PPP1R1C: variants seen among roughly 807,000 people sequenced by gnomAD.
PPP1R1C encodes the protein protein phosphatase 1 regulatory subunit 1C.
Under a neutral mutation model 17.4 loss-of-function variants are expected in PPP1R1C, and 15 were observed. The observed-to-expected ratio is 0.86, with a 90% CI of 0.58 to 1.33. The LOEUF (loss-of-function observed/expected upper bound fraction) is 1.33. Among genes scored for constraint, PPP1R1C ranks in the 40% most tolerant of loss-of-function variants. PPP1R1C has a pLI of 0.00. For synonymous variants in PPP1R1C, 35 were observed against 43.1 expected (o/e 0.81, Z 0.73); for missense variants, 143 against 130.0 (o/e 1.10, Z -0.48).
At chr2:181,978,577 T>C (rs1685139173) in intron 2 of PPP1R1C, among the ~76,000 whole-genome samples, 1 of 152,174 alleles carries the variant, frequency 6.6e-6, no homozygotes, top group Admixed American at 6.5e-5. Context: ...TCCATGTGGC[T>C]TTGCCTTCTT....
chr2:182,029,393 T>C (rs937621948), intron 2 of PPP1R1C, among the ~76,000 whole-genome samples: 1 of 152,156 alleles, frequency 6.6e-6, no homozygotes, highest in Non-Finnish European at 1.5e-5. Flanking sequence ...CAGGAGCTCT[T>C]TTAGGGCAGG....
chr2:182,028,409 G>T (rs1356578084), intron 2 of PPP1R1C, among the ~76,000 whole-genome samples: 3 of 151,368 alleles, frequency 2.0e-5, no homozygotes, highest in Admixed American at 6.6e-5. Flanking sequence ...CTGGTATGTT[G>T]TGTCTTTGTT....
chr2:182,094,380 A>G (rs752306644), intron 4 of PPP1R1C, among the ~76,000 whole-genome samples: 9 of 152,356 alleles, frequency 5.9e-5, no homozygotes, highest in South Asian at 2.1e-4. Flanking sequence ...GAGCCATACC[A>G]TATCAGAGAG....
At chr2:182,108,543 C>T (rs914247102) in intron 4 of PPP1R1C, among the ~76,000 whole-genome samples, 2 of 152,162 alleles carry the variant, frequency 1.3e-5, no homozygotes, top group African/African-American at 4.8e-5. Context: ...GCCCAGAATT[C>T]TCTTCTGAAT....
chr2:182,112,542 C>G (rs1025069159), intron 4 of PPP1R1C, among the ~76,000 whole-genome samples: 2 of 151,992 alleles, frequency 1.3e-5, no homozygotes, highest in Admixed American at 6.6e-5. Flanking sequence ...AGATTAGGTC[C>G]TCGGAACCCA....
chr2:182,023,906 G>A (rs1371701641), intron 2 of PPP1R1C: 3 of 151,930 alleles, frequency 2.0e-5, no homozygotes, highest in Admixed American at 1.3e-4. Context: ...AGAGTGCTGG[G>A]GTTACAGGTA....
At chr2:182,000,959 G>A (rs755399985) in intron 2 of PPP1R1C, among the ~76,000 whole-genome samples, 1 of 152,146 alleles carries the variant, frequency 6.6e-6, no homozygotes, top group Non-Finnish European at 1.5e-5. Flanking sequence ...TGAGGATGGA[G>A]CAACCCTCAC....
intron 2 of PPP1R1C, among the ~76,000 whole-genome samples, chr2:182,059,494 G>A (rs1275200168): frequency 6.6e-6 from 1 of 150,924 alleles, no homozygotes; most frequent in Non-Finnish European, 1.5e-5. Flanking sequence ...GGCCCTGAGG[G>A]AAAAAAAAGG....
At chr2:182,129,478 C>G (rs1032995262) in exon 6 of PPP1R1C, 4 of 152,054 alleles carry the variant, frequency 2.6e-5, no homozygotes, top group African/African-American at 9.7e-5. Context: ...CTACTACCTG[C>G]CAACTACTGA....
intron 2 of PPP1R1C, among the ~76,000 whole-genome samples, chr2:182,060,787 A>T (rs1219017062): frequency 6.6e-6 from 1 of 152,110 alleles, no homozygotes; most frequent in African/African-American, 2.4e-5. Flanking sequence ...CAGAGGCCAT[A>T]CAATGTAGGT....
chr2:181,971,446 G>A (rs1167950174), intron 1 of PPP1R1C, among the ~76,000 whole-genome samples: 2 of 152,162 alleles, frequency 1.3e-5, no homozygotes, highest in African/African-American at 2.4e-5. Flanking sequence ...CAAGTTGCAA[G>A]ACAAAGTCCT....
At chr2:182,018,843 C>T (rs1356018249) in intron 2 of PPP1R1C, among the ~76,000 whole-genome samples, 1 of 152,050 alleles carries the variant, frequency 6.6e-6, no homozygotes. Context: ...AATGAATCAA[C>T]TGATGACTTG....
At chr2:182,049,826 A>G (rs1253443743) in intron 2 of PPP1R1C, among the ~76,000 whole-genome samples, 1 of 152,122 alleles carries the variant, frequency 6.6e-6, no homozygotes, top group Non-Finnish European at 1.5e-5. Context: ...AGAGATTTCC[A>G]TATTATTTAT....
At chr2:182,124,314 G>GTTTTTTTTTTTGTT (rs1689812959) in intron 5 of PPP1R1C, among the ~76,000 whole-genome samples, 1 of 42,098 alleles carries the variant, frequency 2.4e-5, no homozygotes, top group African/African-American at 6.8e-5. Flanking sequence ...GTTTTTTTTT[G>GTTTTTTTTTTTGTT]TTTTTTTTTT....
chr2:182,122,417 C>T (rs1689755790), downstream of PPP1R1C, among the ~76,000 whole-genome samples: 1 of 151,998 alleles, frequency 6.6e-6, no homozygotes, highest in Non-Finnish European at 1.5e-5. Flanking sequence ...TGATTCCATA[C>T]CTATTATGCT....
intron 4 of PPP1R1C, among the ~76,000 whole-genome samples, chr2:182,091,786 T>C (rs1688789608): frequency 6.6e-6 from 1 of 152,120 alleles, no homozygotes. Context: ...ACCTATTTGT[T>C]CCAATTATTC....
At chr2:181,980,477 T>C (rs1370961342) in intron 2 of PPP1R1C, among the ~76,000 whole-genome samples, 1 of 152,226 alleles carries the variant, frequency 6.6e-6, no homozygotes, top group Admixed American at 6.5e-5. Context: ...CACACTGGGC[T>C]GTGATTGACT....
intron 2 of PPP1R1C, among the ~76,000 whole-genome samples, chr2:182,004,027 T>C (rs967646326): frequency 2.0e-5 from 3 of 152,198 alleles, no homozygotes; most frequent in African/African-American, 7.2e-5. Flanking sequence ...ATCACGGCTC[T>C]GACTGGAGAG....
chr2:182,097,077 C>T (rs1023074726), intron 4 of PPP1R1C, among the ~76,000 whole-genome samples: 4 of 152,078 alleles, frequency 2.6e-5, no homozygotes, highest in African/African-American at 7.2e-5. Context: ...GGTACCTATT[C>T]GATATGTCCA....
Sources: gnomAD v4.1 joint callset for allele counts (sites outside exome capture counted in the v4.1 genomes callset) on GRCh38, gnomAD v4.1.1 for gene constraint, MANE v1.5 for transcripts, NCBI Gene and HGNC (gene_info 2026-07-23, HGNC 2026-07-21) for gene names.